Variants in POLR1A observed in about 807,000 individuals in gnomAD.
The protein encoded by POLR1A is DNA-directed RNA polymerase I subunit RPA1.
POLR1A carries 84 observed loss-of-function variants against 205.3 expected under a neutral mutation model. That is an observed-to-expected ratio of 0.41 (90% confidence interval 0.34 to 0.49). POLR1A has a LOEUF of 0.49. Among genes scored for constraint, POLR1A ranks in the 20% least tolerant of loss-of-function variants. POLR1A has a pLI of 0.22. For synonymous variants in POLR1A, 799 were observed against 863.7 expected, an observed-to-expected ratio of 0.93 and a Z score of 1.31; for missense variants, 1,645 against 2,204.5, an observed-to-expected ratio of 0.75 and a Z score of 5.08.
At position 86,053,170 on chromosome 2, in the gene POLR1A, A is replaced by C. The variant is rs6547658; in HGVS notation, c.2209-170T>G. 0.13 allele frequency among the ~76,000 whole-genome samples: 19,909 copies of C among 152,044 alleles called. 4,360 individuals are homozygous for C. The highest frequency in any genetic ancestry group is 0.45 in the African/African-American group (18,681 of 41,408). ...TATGTGAAACTAGTATTTTCTCTCT[A>C]TATATATTATTATTATTTTTTAATA... On this transcript the variant is annotated intron_variant, in intron 15 of 33. Coordinates refer to ENST00000263857, the MANE Select transcript of POLR1A (RefSeq NM_015425.6).
chr2:86,047,265 T>C lies in POLR1A; in HGVS notation c.2635-2A>G. ...GTGTAGGCCAAAAGGCATGCATGCC[T>C]GCAGATTAAATCAGCACAGTGGTCA... On this transcript the variant is annotated splice_acceptor_variant, in intron 18 of 33. Transcript: ENST00000263857. LOFTEE classifies it high-confidence loss of function. The C allele has an allele frequency of 6.2e-7, 1 of 1,606,116 alleles. No individual in the cohort carries two copies. The highest frequency in any genetic ancestry group is 8.5e-7 in the Non-Finnish European group (1 of 1,172,868).
intron 14 of POLR1A, among the ~76,000 whole-genome samples, chr2:86,059,824 C>T (rs370843469): frequency 6.6e-6 from 1 of 152,176 alleles, no homozygotes; most frequent in South Asian, 2.1e-4. Flanking sequence ...CCTTGGCCTC[C>T]CAAAGTGCTG....
Position 86,045,733 on chromosome 2 carries a change from G to A in POLR1A, c.2770C>T (p.Arg924Trp), listed in dbSNP as rs374024458. The part of the protein sequence containing the change: ...CLLGQIELEG[R>W]RPPLMASGKS... ...CCAGACGCCATCAGCGGGGGTCTCC[G>A]ACCTTCCAGTTCAATCTGGCCCAGC... Residue 924 changes from arginine to tryptophan, a missense_variant, in exon 20 of 34, where the codon CGG (arginine) becomes TGG (tryptophan). Coordinates refer to ENST00000263857, the MANE Select transcript of POLR1A (RefSeq NM_015425.6). 75 of 1,608,498 alleles carry A rather than the reference G, an allele frequency of 4.7e-5. No homozygotes were observed. Among genetic ancestry groups the A allele is most frequent in the Non-Finnish European group, 6.0e-5 (71 of 1,178,828 alleles).
At chr2:86,044,943 C>T (rs538506288) in intron 21 of POLR1A, among the ~76,000 whole-genome samples, 66 of 152,282 alleles carry the variant, frequency 4.3e-4, no homozygotes, top group African/African-American at 1.5e-3. Flanking sequence ...GGGGACAGAG[C>T]TCAATGTTAG....
In POLR1A at chr2:86,065,218, T is replaced by C. The variant is rs2288112; in HGVS notation, c.2058+56A>G. ...GGACTCTTCTGAGAATAAAACCTTT[T>C]ACATGAGTGGCCTATTTCCTTTTGT... On this transcript the variant is annotated intron_variant, in intron 14 of 33. Coordinates refer to ENST00000263857, the MANE Select transcript of POLR1A (RefSeq NM_015425.6). 6,105 of 1,467,946 alleles carry C rather than the reference T, an allele frequency of 4.2e-3. 369 individuals are homozygous for C. The East Asian group carries it at 0.12, about 30-fold the overall frequency. The allele number at this position is 1,467,946 out of a possible 1,614,324, so 90.9% of individuals were successfully genotyped here. A position where few individuals can be genotyped will look rare whatever the true frequency, so the allele number is the denominator to read the frequency against.
intron 15 of POLR1A, among the ~76,000 whole-genome samples, chr2:86,053,234 C>G (rs941389294): frequency 6.6e-6 from 1 of 151,800 alleles, no homozygotes; most frequent in African/African-American, 2.4e-5. Context: ...AGTTTTTTTT[C>G]TTCCCTTCAG....
intron 20 of POLR1A, 86 bp from the exon 21 acceptor site, chr2:86,045,446 T>C (rs1672693396): frequency 7.8e-7 from 1 of 1,285,808 alleles, no homozygotes; most frequent in Non-Finnish European, 1.1e-6. Flanking sequence ...TCCAGCAGCC[T>C]TTCCTGACCA....
At chr2:86,032,949 A>G (rs964598275) in intron 28 of POLR1A, among the ~76,000 whole-genome samples, 22 of 152,178 alleles carry the variant, frequency 1.4e-4, no homozygotes, top group Non-Finnish European at 2.4e-4. Flanking sequence ...TCCCTGGTGT[A>G]GGCCAGCCCC....
chr2:86,104,395 C>A lies in POLR1A; in HGVS notation c.77+1305G>T, dbSNP rs1378819510. Among the ~76,000 whole-genome samples, 4 of 151,248 alleles carry A rather than the reference C, an allele frequency of 2.6e-5. No homozygotes were observed. In the East Asian group the frequency reaches 7.7e-4, roughly 29 times the overall value. On this transcript the variant is annotated intron_variant, in intron 1 of 33. Coordinates refer to ENST00000263857, the MANE Select transcript of POLR1A (RefSeq NM_015425.6). ...TAGTGACTATTTTGCACTACGTACACCATTTTGGAGGGGTAAGTAACCCCT... is the reference window on the plus strand; with the variant it reads ...TAGTGACTATTTTGCACTACGTACAACATTTTGGAGGGGTAAGTAACCCCT...
At chr2:86,102,423 T>G (rs1184302973) in intron 1 of POLR1A, among the ~76,000 whole-genome samples, 2 of 152,250 alleles carry the variant, frequency 1.3e-5, no homozygotes, top group Non-Finnish European at 2.9e-5. Context: ...GTATGTCTTC[T>G]TTGGAAAAAT....
At chr2:86,046,728 C>T (rs939235452) in intron 19 of POLR1A, among the ~76,000 whole-genome samples, 5 of 151,752 alleles carry the variant, frequency 3.3e-5, no homozygotes, top group Non-Finnish European at 7.4e-5. Flanking sequence ...CCTGTAATCC[C>T]GAGAGGCAGG....
At chr2:86,040,255 T>C (rs1672577744) in intron 25 of POLR1A, 137 bp downstream of exon 25, 1 of 695,316 alleles carries the variant, frequency 1.4e-6, no homozygotes, top group Non-Finnish European at 2.1e-6. Context: ...GATCCCCACT[T>C]TAATGAGACC....
intron 11 of POLR1A, 101 bp downstream of exon 11, chr2:86,077,758 C>T (rs1195629905): frequency 3.1e-5 from 42 of 1,367,576 alleles, no homozygotes; most frequent in East Asian, 9.2e-5. Context: ...CAGTCCTCTG[C>T]GGCATTCTCA....
Position 86,044,273 on chromosome 2 carries a change from C to A in POLR1A, c.3001G>T (p.Val1001Leu). ...CIIKHLEGLV[V>L]QYDLTVRDSD... The stretch of plus-strand genomic sequence containing the variant: ...TCACGGACCGTGAGATCATACTGCA[C>A]GACCAGCCCCTCTAGGTGCTTGATG... Residue 1001 changes from valine (V) to leucine (L), a missense_variant, in exon 22 of 34, where the codon GTG (valine) becomes TTG (leucine). Coordinates refer to ENST00000263857, the MANE Select transcript of POLR1A (RefSeq NM_015425.6). The A allele has an allele frequency of 1.2e-6, 2 of 1,614,162 alleles. No homozygotes were observed. The highest frequency in any genetic ancestry group is 1.7e-6 in the Non-Finnish European group (2 of 1,180,016).
intron 11 of POLR1A, 82 bp from the exon 12 acceptor site, chr2:86,075,342 G>T: frequency 1.0e-6 from 1 of 993,076 alleles, no homozygotes; most frequent in Non-Finnish European, 1.5e-6. Context: ...TCAACAGGCT[G>T]TCTTTTCACC....
rs1027901602 is a variant in POLR1A at position 86,044,196 on chromosome 2, G to A, written c.3078C>T (p.Ile1026=). 29 of 1,614,164 alleles carry A rather than the reference G, an allele frequency of 1.8e-5. No individual in the cohort carries two copies. The highest frequency in any genetic ancestry group is 2.5e-5 in the Non-Finnish European group (29 of 1,180,024). Residue 1026 remains isoleucine (I), a synonymous_variant, in exon 22 of 34, where the codon ATC becomes ATT. Coordinates refer to ENST00000263857, the MANE Select transcript of POLR1A (RefSeq NM_015425.6). ...TGGGCTGCAGGAACTGTGTCTTGGGGATGTCCAGGCCATCCTCCCCATACA... is the reference window on the plus strand; with the variant it reads ...TGGGCTGCAGGAACTGTGTCTTGGGAATGTCCAGGCCATCCTCCCCATACA... ...QFLYGEDGLD[I]PKTQFLQPKQ...
chr2:86,104,189 G>T (rs1433637496), intron 1 of POLR1A, among the ~76,000 whole-genome samples: 1 of 152,172 alleles, frequency 6.6e-6, no homozygotes, highest in Non-Finnish European at 1.5e-5. Context: ...ATGCACTTGA[G>T]AGGTGTAAGG....
At chr2:86,083,015 G>A in intron 7 of POLR1A, 67 bp downstream of exon 7, 1 of 1,158,966 alleles carries the variant, frequency 8.6e-7, no homozygotes, top group Non-Finnish European at 1.3e-6. Flanking sequence ...AATAAGGCAG[G>A]GTTAATGAGT....
intron 12 of POLR1A, among the ~76,000 whole-genome samples, chr2:86,072,801 C>T (rs1673204289): frequency 1.3e-5 from 2 of 152,200 alleles, no homozygotes; most frequent in Admixed American, 1.3e-4. Flanking sequence ...TGGCCTTTCC[C>T]CTCCTCACCT....
Sources: gnomAD v4.1 joint callset for allele counts (sites outside exome capture counted in the v4.1 genomes callset) on GRCh38, gnomAD v4.1.1 for gene constraint, MANE v1.5 for transcripts, NCBI Gene and HGNC (gene_info 2026-07-23, HGNC 2026-07-21) for gene names.